The following ARFGEF3 variants were observed in gnomAD, a reference collection of about 807,000 sequenced individuals.
The protein encoded by ARFGEF3 is brefeldin A-inhibited guanine nucleotide-exchange protein 3.
Under a neutral mutation model 221.7 loss-of-function variants are expected in ARFGEF3, and 96 were observed. The observed-to-expected ratio is 0.43, with a 90% CI of 0.37 to 0.51. ARFGEF3 has a LOEUF of 0.51. ARFGEF3 is among the 20% of genes least tolerant of loss of function. The pLI is 0.00. For missense variants in ARFGEF3, 2,410 were observed against 2,789.9 expected, an observed-to-expected ratio of 0.86 and a Z score of 3.07; for synonymous variants, 1,145 against 1,126.8, an observed-to-expected ratio of 1.02 and a Z score of -0.32.
chr6:138,247,600 A>G (rs1244509841), intron 8 of ARFGEF3, among the ~76,000 whole-genome samples: 2 of 152,182 alleles, frequency 1.3e-5, no homozygotes, highest in Non-Finnish European at 2.9e-5. Flanking sequence ...TTTAATCACT[A>G]TTGGCTCAAC....
intron 12 of ARFGEF3, among the ~76,000 whole-genome samples, chr6:138,273,614 A>C (rs1779042838): frequency 1.3e-5 from 2 of 152,328 alleles, no homozygotes; most frequent in Non-Finnish European, 2.9e-5. Context: ...CATTCGAAGC[A>C]AGTAGAGCGT....
chr6:138,295,214 T>C (rs1162925246), intron 20 of ARFGEF3, among the ~76,000 whole-genome samples: 1 of 152,088 alleles, frequency 6.6e-6, no homozygotes, highest in African/African-American at 2.4e-5. Context: ...GGTAGGAATA[T>C]AAAATGCAGC....
In ARFGEF3 at chr6:138,291,887, G is replaced by C; in HGVS notation, c.3202G>C (p.Glu1068Gln). The part of the protein sequence containing the change: ...CEGSPPEHSP[E>Q]QGRSLSTAPV... ...GGGCTCGCCCCCCGAGCACAGCCCG[G>C]AGCAGGGGCGCTCCCTGAGCACGGC... Residue 1068 changes from glutamate (E) to glutamine (Q), a missense_variant, in exon 19 of 34, where the codon GAG (glutamate) becomes CAG (glutamine). Coordinates refer to ENST00000251691, the MANE Select transcript of ARFGEF3 (RefSeq NM_020340.5). This position sits in a 1 kb window ranked among gnomAD's most constrained non-coding sequence, Gnocchi z 4.5. 6.7e-7 allele frequency: 1 copy of C among 1,497,580 alleles called. No homozygotes were observed. The highest frequency in any genetic ancestry group is 8.9e-7 in the Non-Finnish European group (1 of 1,118,624). 92.8% of individuals were successfully genotyped at this position (1,497,580 alleles called of 1,614,324 possible). A position where few individuals can be genotyped will look rare whatever the true frequency, so the allele number is the denominator to read the frequency against.
intron 32 of ARFGEF3, among the ~76,000 whole-genome samples, chr6:138,332,403 G>C (rs137943293): frequency 6.8e-4 from 104 of 152,224 alleles, no homozygotes; most frequent in Admixed American, 1.4e-3. Flanking sequence ...CTGGGGACAA[G>C]AAGATGAATA....
intron 4 of ARFGEF3, among the ~76,000 whole-genome samples, chr6:138,226,521 T>C (rs1778087145): frequency 6.6e-6 from 1 of 152,216 alleles, no homozygotes; most frequent in South Asian, 2.1e-4. Context: ...GGAGGCAGTT[T>C]CTGCAAGCTG....
At chr6:138,265,792 G>GTC (rs1001441684) in intron 12 of ARFGEF3, among the ~76,000 whole-genome samples, 15 of 152,052 alleles carry the variant, frequency 9.9e-5, no homozygotes, top group African/African-American at 2.7e-4. Flanking sequence ...TTGTACTTCG[G>GTC]TCTCTCTCTC....
Position 138,241,653 on chromosome 6 carries a change from A to G in ARFGEF3, c.544-1299A>G, listed in dbSNP as rs561980507. ...GATACTTGCCTCAGTCACTCATTTC[A>G]GTTATCAACTGGAAAGACATCATGG... On this transcript the variant is annotated intron_variant, in intron 6 of 33. Coordinates refer to ENST00000251691, the MANE Select transcript of ARFGEF3 (RefSeq NM_020340.5). 2.6e-5 allele frequency among the ~76,000 whole-genome samples: 4 copies of G among 152,338 alleles called. 1 individual carries two copies. The highest frequency in any genetic ancestry group is 9.6e-5 in the African/African-American group (4 of 41,582).
chr6:138,261,583 A>G lies in ARFGEF3; in HGVS notation c.1161A>G (p.Ser387=), dbSNP rs1778796376. ...TGGCAGGACCCAGCTCCACTGAATCAGAGTCCAGAAAAAGATCAATTTCAA... is the reference window on the plus strand; with the variant it reads ...TGGCAGGACCCAGCTCCACTGAATCGGAGTCCAGAAAAAGATCAATTTCAA... The part of the protein sequence containing the change: ...CDLAGPSSTE[S]ESRKRSISKR... The change falls in exon 11 of 34, where the codon TCA becomes TCG. Residue 387 remains serine, a synonymous_variant. Coordinates refer to ENST00000251691, the MANE Select transcript of ARFGEF3 (RefSeq NM_020340.5). 3 of 1,579,776 alleles carry G rather than the reference A, an allele frequency of 1.9e-6. No individual in the cohort carries two copies. The highest frequency in any genetic ancestry group is 2.6e-6 in the Non-Finnish European group (3 of 1,161,248).
At chr6:138,243,262 C>T (rs144509129) in intron 7 of ARFGEF3, among the ~76,000 whole-genome samples, 210 of 152,228 alleles carry the variant, frequency 1.4e-3, no homozygotes, top group East Asian at 5.0e-3. Context: ...CATTTGGAGG[C>T]GGGCTTTGTT....
intron 21 of ARFGEF3, among the ~76,000 whole-genome samples, chr6:138,298,376 T>C (rs1023509939): frequency 6.6e-6 from 1 of 152,226 alleles, no homozygotes; most frequent in Non-Finnish European, 1.5e-5. Context: ...GAAACTTTCC[T>C]TTTTCTAGAA....
rs1425619924 is a variant in ARFGEF3 at position 138,338,621 on chromosome 6, G to A, written c.*2135G>A. 6.6e-6 allele frequency: 1 copy of A among 152,122 alleles called. No homozygotes were observed. The highest frequency in any genetic ancestry group is 1.5e-5 in the Non-Finnish European group (1 of 68,050). The allele number at this position is 152,122 out of a possible 1,614,324, so 9.4% of individuals were successfully genotyped here. A position where few individuals can be genotyped will look rare whatever the true frequency, so the allele number is the denominator to read the frequency against. On this transcript the variant is annotated 3_prime_UTR_variant, in exon 34 of 34. Coordinates refer to ENST00000251691, the MANE Select transcript of ARFGEF3 (RefSeq NM_020340.5). ...TTGAGACCAGGCTGGACAACATGGT[G>A]AAACCTCGTCTCTACTAAAAATACA...
intron 12 of ARFGEF3, among the ~76,000 whole-genome samples, chr6:138,268,387 C>CCCTA (rs1778935981): frequency 6.6e-6 from 1 of 152,202 alleles, no homozygotes; most frequent in Non-Finnish European, 1.5e-5. Flanking sequence ...AAGCCTTCAT[C>CCCTA]CCTACCCTGT....
chr6:138,279,880 A>T, intron 13 of ARFGEF3, 119 bp from the exon 14 acceptor site: 1 of 962,522 alleles, frequency 1.0e-6, no homozygotes, highest in Non-Finnish European at 1.6e-6. Flanking sequence ...CCCCTTACCC[A>T]ATACACAAGC....
At chr6:138,256,986 C>G (rs1778695221) in intron 10 of ARFGEF3, among the ~76,000 whole-genome samples, 1 of 152,088 alleles carries the variant, frequency 6.6e-6, no homozygotes, top group Non-Finnish European at 1.5e-5. Context: ...GTTGCCCAGG[C>G]TGGTCTCAAA....
At chr6:138,335,459 T>C (rs1464408376) in intron 33 of ARFGEF3, among the ~76,000 whole-genome samples, 5 of 151,984 alleles carry the variant, frequency 3.3e-5, no homozygotes, top group African/African-American at 1.2e-4. Flanking sequence ...AATTAGGAAC[T>C]TACCTGTATA....
At chr6:138,223,565 TTG>T (rs754266301) in intron 4 of ARFGEF3, among the ~76,000 whole-genome samples, 1 of 151,844 alleles carries the variant, frequency 6.6e-6, no homozygotes, top group Non-Finnish European at 1.5e-5. Context: ...CAAGAAGGAG[TTG>T]TGTGTTAATT....
chr6:138,282,341 T>A (rs974760703), intron 14 of ARFGEF3, among the ~76,000 whole-genome samples: 3 of 152,142 alleles, frequency 2.0e-5, no homozygotes, highest in African/African-American at 7.2e-5. Flanking sequence ...CTCTGGAGTG[T>A]CTGTATCCTC....
chr6:138,231,859 A>G (rs913094075), intron 5 of ARFGEF3, among the ~76,000 whole-genome samples: 4 of 152,226 alleles, frequency 2.6e-5, no homozygotes, highest in Non-Finnish European at 4.4e-5. Flanking sequence ...TAAGCTCTCA[A>G]AATGTAAATA....
intron 32 of ARFGEF3, among the ~76,000 whole-genome samples, chr6:138,333,710 G>A (rs1480110892): frequency 6.6e-6 from 1 of 152,130 alleles, no homozygotes; most frequent in African/African-American, 2.4e-5. Flanking sequence ...CCAAAGTGCT[G>A]GGATTACAGG....
Sources: gnomAD v4.1 joint callset for allele counts (sites outside exome capture counted in the v4.1 genomes callset) on GRCh38, gnomAD v4.1.1 for gene constraint, Gnocchi (gnomAD v3.1) non-coding constraint, MANE v1.5 for transcripts, NCBI Gene and HGNC (gene_info 2026-07-23, HGNC 2026-07-21) for gene names.